EYS: variants seen among roughly 807,000 people sequenced by gnomAD.
EYS encodes EGF-like photoreceptor maintenance factor, also known as protein eyes shut homolog.
EYS carries 250 observed loss-of-function variants against 282.1 expected under a neutral mutation model. The observed-to-expected ratio is 0.89, with a 90% CI of 0.80 to 0.98. The LOEUF is 0.98. Ranked by LOEUF, EYS falls within the 50% of genes least tolerant of loss-of-function variation. The pLI, the probability that EYS is intolerant of heterozygous loss-of-function variation, is 0.00. For synonymous variants in EYS, 1,355 were observed against 1,282.9 expected (o/e 1.06, Z -1.20); for missense variants, 4,016 against 3,709.0 (o/e 1.08, Z -2.15).
At chr6:65,007,715 C>T (rs1345845144) in intron 13 of EYS, among the ~76,000 whole-genome samples, 1 of 152,088 alleles carries the variant, frequency 6.6e-6, no homozygotes, top group African/African-American at 2.4e-5. Context: ...CCAAAGAGTG[C>T]CAATGTTCCC....
At chr6:65,447,338 ATATATATAAATATATGTATATAGT>A (rs1283582404) in intron 5 of EYS, among the ~76,000 whole-genome samples, 46 of 141,416 alleles carry the variant, frequency 3.3e-4, no homozygotes, top group Middle Eastern at 3.8e-3. Flanking sequence ...GTGTGTATAT[ATATATATAAATATATGTATATAGT>A]TATATATATA....
At chr6:64,630,877 G>T (rs1767755683) in intron 22 of EYS, among the ~76,000 whole-genome samples, 1 of 152,148 alleles carries the variant, frequency 6.6e-6, no homozygotes, top group East Asian at 1.9e-4. Context: ...ACAATGATCT[G>T]TAAAAATTTA....
At chr6:63,863,659 TTTTCTTTTCTTTTTTC>T (rs1405141901) in intron 36 of EYS, among the ~76,000 whole-genome samples, 24 of 6,732 alleles carry the variant, frequency 3.6e-3, no homozygotes, top group South Asian at 0.014. Flanking sequence ...TTTTCTTTTC[TTTTCTTTTCTTTTTTC>T]TTTTTTTTTT....
intron 22 of EYS, among the ~76,000 whole-genome samples, chr6:64,803,490 G>C (rs1252559112): frequency 6.6e-6 from 1 of 152,140 alleles, no homozygotes; most frequent in Admixed American, 6.5e-5. Flanking sequence ...ACTCCACCTG[G>C]AACTGACAGC....
At chr6:63,938,316 A>G (rs947941123) in intron 35 of EYS, among the ~76,000 whole-genome samples, 2 of 152,184 alleles carry the variant, frequency 1.3e-5, no homozygotes, top group Non-Finnish European at 2.9e-5. Flanking sequence ...TGGTTAAAAT[A>G]ACTAGTCCTT....
At chr6:65,330,693 T>G (rs975632288) in intron 11 of EYS, 10 of 944,278 alleles carry the variant, frequency 1.1e-5, no homozygotes, top group Non-Finnish European at 1.3e-6. Context: ...GTGTCTATCA[T>G]TATAATACTA....
intron 32 of EYS, among the ~76,000 whole-genome samples, chr6:64,073,056 T>C (rs1771647010): frequency 6.6e-6 from 1 of 151,890 alleles, no homozygotes; most frequent in Non-Finnish European, 1.5e-5. Context: ...TATTCAAGTA[T>C]ACCAACATCC....
At chr6:64,785,193 A>C (rs972282056) in intron 22 of EYS, among the ~76,000 whole-genome samples, 2 of 152,234 alleles carry the variant, frequency 1.3e-5, no homozygotes, top group African/African-American at 4.8e-5. Flanking sequence ...GTTTCAGCTA[A>C]AATATACAAT....
chr6:65,110,492 C>T, intron 12 of EYS, among the ~76,000 whole-genome samples: 1 of 152,040 alleles, frequency 6.6e-6, no homozygotes, highest in East Asian at 1.9e-4. Context: ...AGGGCAAGGA[C>T]ATTTGAATTC....
At chr6:64,965,520 A>G (rs1770063820) in intron 14 of EYS, among the ~76,000 whole-genome samples, 1 of 152,074 alleles carries the variant, frequency 6.6e-6, no homozygotes, top group Admixed American at 6.6e-5. Flanking sequence ...GATCATTCAG[A>G]CTTTTCATTC....
intron 22 of EYS, among the ~76,000 whole-genome samples, chr6:64,793,715 C>CTCT: frequency 6.6e-6 from 1 of 152,090 alleles, no homozygotes; most frequent in South Asian, 2.1e-4. Flanking sequence ...ACTAAATTTC[C>CTCT]TCTTCTTCAT....
intron 36 of EYS, among the ~76,000 whole-genome samples, chr6:63,842,067 A>G (rs1225411144): frequency 2.6e-5 from 4 of 152,154 alleles, no homozygotes; most frequent in African/African-American, 9.7e-5. Flanking sequence ...GAAACAGTAA[A>G]CATACGTGTG....
At chr6:65,658,089 G>A (rs1215398273) in intron 1 of EYS, among the ~76,000 whole-genome samples, 1 of 151,704 alleles carries the variant, frequency 6.6e-6, no homozygotes, top group African/African-American at 2.4e-5. Context: ...TATAGTGTAA[G>A]CATAAGCTTT....
intron 9 of EYS, among the ~76,000 whole-genome samples, 171 bp from the exon 10 acceptor site, chr6:65,344,348 A>G (rs1770315547): frequency 6.6e-6 from 1 of 151,648 alleles, no homozygotes; most frequent in Admixed American, 6.6e-5. Flanking sequence ...CTCAAAGCCC[A>G]ACACTCTCAT....
chr6:65,669,397 G>A (rs973556155), intron 1 of EYS, among the ~76,000 whole-genome samples: 4 of 151,944 alleles, frequency 2.6e-5, no homozygotes, highest in Non-Finnish European at 5.9e-5. Context: ...GTACAGTAGG[G>A]ATTATAAAAG....
chr6:65,232,561 G>A (rs1351560086), intron 12 of EYS, among the ~76,000 whole-genome samples: 1 of 151,996 alleles, frequency 6.6e-6, no homozygotes, highest in Non-Finnish European at 1.5e-5. Context: ...TACAAAGATT[G>A]CACCGAGTTC....
At chr6:64,800,547 AT>A (rs1203647206) in intron 22 of EYS, among the ~76,000 whole-genome samples, 31 of 143,046 alleles carry the variant, frequency 2.2e-4, no homozygotes, top group South Asian at 4.5e-4. Context: ...GTTTAATCTA[AT>A]TTTTTTTTCC....
intron 28 of EYS, among the ~76,000 whole-genome samples, chr6:64,422,480 C>T (rs1774267860): frequency 6.6e-6 from 1 of 152,186 alleles, no homozygotes; most frequent in African/African-American, 2.4e-5. Context: ...GACCTTCGTA[C>T]TTTAAAACCT....
At chr6:65,229,912 A>C (rs1287100264) in intron 12 of EYS, among the ~76,000 whole-genome samples, 4 of 151,950 alleles carry the variant, frequency 2.6e-5, no homozygotes, top group Non-Finnish European at 5.9e-5. Context: ...TAAAGTGCAC[A>C]TGGGTCTTGC....
Sources: allele counts gnomAD v4.1 joint callset (sites outside exome capture counted in the v4.1 genomes callset), GRCh38; gene constraint gnomAD v4.1.1; transcripts MANE v1.5; gene names NCBI Gene and HGNC (gene_info 2026-07-23, HGNC 2026-07-21).